Variants in RFC4 observed in about 807,000 individuals in gnomAD.
RFC4 encodes the protein A1 37 kDa subunit.
In RFC4, 38 loss-of-function variants were observed where a neutral mutation model predicts 47.6. The ratio of observed to expected loss-of-function variants is 0.80; its 90% confidence interval spans 0.62 to 1.05. The LOEUF is 1.05. RFC4 is among the 50% of genes least tolerant of loss of function. RFC4 has a pLI of 0.00. For synonymous variants in RFC4, 164 were observed against 150.0 expected, an observed-to-expected ratio of 1.09 and a Z score of -0.68; for missense variants, 489 against 434.0, an observed-to-expected ratio of 1.13 and a Z score of -1.13.
In RFC4 at chr3:186,793,043, T is replaced by A; in HGVS notation, c.411-96A>T. 1 of 998,946 alleles carries A rather than the reference T, an allele frequency of 1.0e-6. No individual in the cohort carries two copies. Among genetic ancestry groups the A allele is most frequent in the Non-Finnish European group, 1.4e-6 (1 of 690,824 alleles). 61.9% of individuals were successfully genotyped at this position (998,946 alleles called of 1,614,324 possible). On this transcript the variant is annotated intron_variant, in intron 5 of 10. Transcript: ENST00000296273. The surrounding 1 kb of genome is among the most constrained non-coding windows in gnomAD (Gnocchi z 4.2). ...ACACGTACCATACAATTCACCCATT[T>A]AAAATGTACAATTCAGTGTTTTTCT...
In RFC4 at chr3:186,797,620, G is replaced by A. The variant is rs1394762541; in HGVS notation, c.211-6C>T. ...TAAAACAAGAGATTAGGAAGCTGTA[G>A]AAATTAAATTTTATTTTTAATAAAT... On this transcript the variant is annotated splice_region_variant and splice_polypyrimidine_tract_variant and intron_variant, in intron 3 of 10. Coordinates refer to ENST00000296273, the MANE Select transcript of RFC4 (RefSeq NM_002916.5). 6.3e-7 allele frequency: 1 copy of A among 1,583,458 alleles called. No individual in the cohort carries two copies. The highest frequency in any genetic ancestry group is 1.7e-5 in the Admixed American group (1 of 57,222).
In RFC4 at chr3:186,790,074, A is replaced by AAATT; in HGVS notation, c.997-14_997-11dup. 1 of 1,611,370 alleles carries AAATT rather than the reference A, an allele frequency of 6.2e-7. No individual in the cohort carries two copies. The highest frequency in any genetic ancestry group is 1.1e-5 in the South Asian group (1 of 90,924). On this transcript the variant is annotated splice_polypyrimidine_tract_variant and intron_variant, in intron 10 of 10. Coordinates refer to ENST00000296273, the MANE Select transcript of RFC4 (RefSeq NM_002916.5). ...GGCATTTGTCAACTTCCTACGAGAA[A>AAATT]AATTTAAGAAATTAGCATCCTTCAG...
rs1246925133 is a variant in RFC4 at position 186,796,606 on chromosome 3, A to G, written c.290+929T>C. 6.6e-6 allele frequency among the ~76,000 whole-genome samples: 1 copy of G among 152,020 alleles called. No individual in the cohort carries two copies. Among genetic ancestry groups the G allele is most frequent in the Non-Finnish European group, 1.5e-5 (1 of 68,006 alleles). ...GTGATTCTCCTGCCTCAGCCTGCCG[A>G]GTAGCTGGGACTACAGGTGCATGCC... is the stretch of plus-strand genomic sequence containing the variant. On this transcript the variant is annotated intron_variant, in intron 4 of 10. Coordinates refer to ENST00000296273, the MANE Select transcript of RFC4 (RefSeq NM_002916.5). This position sits in a 1 kb window ranked among gnomAD's most constrained non-coding sequence, Gnocchi z 4.2.
intron 3 of RFC4, 54 bp downstream of exon 3, chr3:186,801,063 G>T: frequency 7.8e-7 from 1 of 1,286,142 alleles, no homozygotes; most frequent in Non-Finnish European, 1.1e-6. Context: ...GAAAGAGGGT[G>T]AATAAATTAA....
At chr3:186,790,808 A>G (rs1029377584) in intron 8 of RFC4, among the ~76,000 whole-genome samples, 3 of 152,202 alleles carry the variant, frequency 2.0e-5, no homozygotes, top group African/African-American at 7.2e-5. Context: ...GATGCCACTA[A>G]TGAGATTGGT....
intron 4 of RFC4, 197 bp from the exon 5 acceptor site, chr3:186,794,974 A>G: frequency 1.7e-6 from 1 of 578,652 alleles, no homozygotes; most frequent in Non-Finnish European, 3.0e-6. Flanking sequence ...ATTTAAAAAA[A>G]TGTAGACATT....
In RFC4 at chr3:186,790,415, T is replaced by TTGA; in HGVS notation, c.802-12_802-10dup. 3.1e-6 allele frequency: 5 copies of TTGA among 1,595,314 alleles called. No homozygotes were observed. Among genetic ancestry groups the TTGA allele is most frequent in the Non-Finnish European group, 4.3e-6 (5 of 1,162,914 alleles). ...TTCTCAGCTGGTATTACCTAGGTAATTGAATGTTCGGTATTAAAGATGTTT... is the reference window on the plus strand; with the variant it reads ...TTCTCAGCTGGTATTACCTAGGTAATTGATGAATGTTCGGTATTAAAGATGTTT... On this transcript the variant is annotated splice_polypyrimidine_tract_variant and intron_variant, in intron 8 of 10. Transcript: ENST00000296273.
intron 2 of RFC4, among the ~76,000 whole-genome samples, chr3:186,803,794 G>A (rs551745690): frequency 6.6e-6 from 1 of 151,876 alleles, no homozygotes; most frequent in East Asian, 2.0e-4. Context: ...TTACATACAG[G>A]ATTATAGGCA....
chr3:186,803,688 T>C (rs868093549), intron 2 of RFC4, among the ~76,000 whole-genome samples: 32 of 149,462 alleles, frequency 2.1e-4, no homozygotes, highest in African/African-American at 3.5e-4. Flanking sequence ...TTTTTTTTTT[T>C]CCCAGTAAAG....
chr3:186,804,448 G>T, intron 2 of RFC4, 135 bp downstream of exon 2: 1 of 777,392 alleles, frequency 1.3e-6, no homozygotes. Flanking sequence ...TTATATAAGT[G>T]GGTGATTTTT....
chr3:186,790,847 A>G lies in RFC4; in HGVS notation c.802-441T>C, dbSNP rs1224420260. Among the ~76,000 whole-genome samples the G allele has an allele frequency of 4.6e-5, 7 of 152,212 alleles. No homozygotes were observed. The South Asian group carries it at 1.0e-3, about 22-fold the overall frequency. ...AAAAGTCCACAATATCCAGAAAATT[A>G]AAGAGGATTAGTGGTACCAGTCTTG... On this transcript the variant is annotated intron_variant, in intron 8 of 10. Transcript: ENST00000296273.
rs772860104 is a variant in RFC4, at chr3:186,790,271, CT to C, written c.883-17del. On this transcript the variant is annotated splice_polypyrimidine_tract_variant and intron_variant, in intron 9 of 10. Transcript: ENST00000296273. ...CTATTAAATCCTATAATAAAAAAAA[CT>C]TTTGGTATGATGACTTAATATTCCT... The C allele has an allele frequency of 4.3e-6, 7 of 1,610,716 alleles. No homozygotes were observed. In the Admixed American group the frequency reaches 8.3e-5, roughly 19 times the overall value.
At chr3:186,803,970 T>C (rs1052281470) in intron 2 of RFC4, among the ~76,000 whole-genome samples, 5 of 151,654 alleles carry the variant, frequency 3.3e-5, no homozygotes, top group African/African-American at 1.2e-4. Flanking sequence ...TCACTTGAGG[T>C]CAGGAGTTTG....
At chr3:186,794,031 T>C (rs111762892) in intron 5 of RFC4, among the ~76,000 whole-genome samples, 5 of 152,350 alleles carry the variant, frequency 3.3e-5, no homozygotes, top group African/African-American at 7.2e-5. Context: ...CTTTGCCCAT[T>C]TTTTAATTGG....
intron 4 of RFC4, among the ~76,000 whole-genome samples, chr3:186,795,432 T>G (rs954603942): frequency 3.3e-5 from 5 of 152,246 alleles, no homozygotes; most frequent in African/African-American, 1.2e-4. Flanking sequence ...CTTCACATTC[T>G]TCTATTGTTA....
intron 1 of RFC4, 105 bp from the exon 2 acceptor site, chr3:186,804,829 T>A: frequency 1.8e-6 from 2 of 1,092,968 alleles, no homozygotes; most frequent in Non-Finnish European, 2.7e-6. Context: ...TATGAGAAAG[T>A]ACAGCCCGAA....
intron 4 of RFC4, 68 bp from the exon 5 acceptor site, chr3:186,794,845 C>T (rs1722211481): frequency 6.4e-7 from 1 of 1,561,174 alleles, no homozygotes; most frequent in Non-Finnish European, 8.8e-7. Context: ...TTAACATTTG[C>T]ACACTTTGCA....
chr3:186,799,944 T>A (rs1270265265), intron 3 of RFC4, among the ~76,000 whole-genome samples: 1 of 152,122 alleles, frequency 6.6e-6, no homozygotes, highest in African/African-American at 2.4e-5. Context: ...TATTTATTTT[T>A]TATTACTTAT....
rs374067188 is a variant in RFC4 at position 186,790,265 on chromosome 3, A to G, written c.883-10T>C. 4.1e-5 allele frequency: 66 copies of G among 1,612,098 alleles called. No homozygotes were observed. The highest frequency in any genetic ancestry group is 1.2e-4 in the Admixed American group (7 of 59,902). ...CCTCATCTATTAAATCCTATAATAAAAAAAACTTTTGGTATGATGACTTAA... is the reference window on the plus strand; with the variant it reads ...CCTCATCTATTAAATCCTATAATAAGAAAAACTTTTGGTATGATGACTTAA... On this transcript the variant is annotated splice_polypyrimidine_tract_variant and intron_variant, in intron 9 of 10. Coordinates refer to ENST00000296273, the MANE Select transcript of RFC4 (RefSeq NM_002916.5).
Sources: allele counts gnomAD v4.1 joint callset (sites outside exome capture counted in the v4.1 genomes callset), GRCh38; gene constraint gnomAD v4.1.1; non-coding constraint Gnocchi (gnomAD v3.1); transcripts MANE v1.5; gene names NCBI Gene and HGNC (gene_info 2026-07-23, HGNC 2026-07-21).